Variants in LDLRAD4 observed in about 807,000 individuals in gnomAD.
The protein encoded by LDLRAD4 is low density lipoprotein receptor class A domain containing 4.
LDLRAD4 carries 5 observed loss-of-function variants against 17.0 expected under a neutral mutation model. That is an observed-to-expected ratio of 0.29 (90% confidence interval 0.15 to 0.62). The LOEUF (loss-of-function observed/expected upper bound fraction) is 0.62, where lower values mean the gene tolerates loss of function less well. Ranked by LOEUF, LDLRAD4 falls within the 20% of genes least tolerant of loss-of-function variation. The pLI is 0.84. For synonymous variants in LDLRAD4, 168 were observed against 171.8 expected (o/e 0.98, Z 0.17); for missense variants, 340 against 424.7 (o/e 0.80, Z 1.75).
intron 1 of LDLRAD4, among the ~76,000 whole-genome samples, chr18:13,373,625 G>A (rs531444174): frequency 1.3e-5 from 2 of 152,332 alleles, no homozygotes; most frequent in African/African-American, 4.8e-5. Flanking sequence ...TTTTGAAGGA[G>A]ACAGTGTATT....
chr18:13,536,525 A>G (rs775598493), intron 3 of LDLRAD4, among the ~76,000 whole-genome samples: 1 of 151,974 alleles, frequency 6.6e-6, no homozygotes, highest in Admixed American at 6.6e-5. Flanking sequence ...TGTATTCTCT[A>G]GACTTTTCTT....
chr18:13,640,889 A>G (rs1004940725), intron 4 of LDLRAD4, among the ~76,000 whole-genome samples: 3 of 152,226 alleles, frequency 2.0e-5, no homozygotes, highest in African/African-American at 4.8e-5. Context: ...TTAGTTACTT[A>G]TTTAACAAAT....
chr18:13,478,879 C>T (rs2093013496), intron 3 of LDLRAD4, among the ~76,000 whole-genome samples: 1 of 152,182 alleles, frequency 6.6e-6, no homozygotes, highest in African/African-American at 2.4e-5. Flanking sequence ...TAAAGACTTA[C>T]CATAAAGCTA....
Position 13,645,982 on chromosome 18 carries a change from A to C in LDLRAD4, c.*325A>C. 4.5e-6 allele frequency: 1 copy of C among 223,384 alleles called. No homozygotes were observed. Among genetic ancestry groups the C allele is most frequent in the Non-Finnish European group, 8.7e-6 (1 of 115,260 alleles). The allele number at this position is 223,384 out of a possible 1,614,324, so 13.8% of individuals were successfully genotyped here. ...CCCACAGAGGTATTTGATGTATTTA[A>C]TTGTGAAAGGAGACTTTGCAGATAA... On this transcript the variant is annotated 3_prime_UTR_variant, in exon 6 of 6. Coordinates refer to ENST00000359446, the Ensembl canonical transcript of LDLRAD4. The surrounding 1 kb of genome is among the most constrained non-coding windows in gnomAD (Gnocchi z 5.7).
At chr18:13,298,767 GC>G (rs762857176) in intron 1 of LDLRAD4, among the ~76,000 whole-genome samples, 1 of 152,236 alleles carries the variant, frequency 6.6e-6, no homozygotes, top group Non-Finnish European at 1.5e-5. Context: ...GTGCTGCGGG[GC>G]CACTGGCCTG....
chr18:13,528,954 G>A (rs969997624), intron 3 of LDLRAD4, among the ~76,000 whole-genome samples: 14 of 152,242 alleles, frequency 9.2e-5, no homozygotes, highest in African/African-American at 3.1e-4. Context: ...CACGCTTTGG[G>A]TAGCGAGAGC....
At chr18:13,504,163 C>T (rs916934278) in intron 3 of LDLRAD4, among the ~76,000 whole-genome samples, 4 of 152,150 alleles carry the variant, frequency 2.6e-5, no homozygotes, top group African/African-American at 9.7e-5. Flanking sequence ...AGAGTCCGTT[C>T]GCTGACCCCC....
intron 3 of LDLRAD4, among the ~76,000 whole-genome samples, chr18:13,455,988 G>T (rs937752146): frequency 6.6e-6 from 1 of 152,120 alleles, no homozygotes; most frequent in Non-Finnish European, 1.5e-5. Context: ...TGGCAGGAGC[G>T]CCCGCCATGT....
chr18:13,370,178 G>T (rs2084353011), intron 1 of LDLRAD4, among the ~76,000 whole-genome samples: 1 of 152,232 alleles, frequency 6.6e-6, no homozygotes, highest in South Asian at 2.1e-4. Context: ...CAAAATACAT[G>T]CGCCAGCACA....
At chr18:13,528,386 C>G (rs1221707659) in intron 3 of LDLRAD4, among the ~76,000 whole-genome samples, 1 of 152,216 alleles carries the variant, frequency 6.6e-6, no homozygotes, top group East Asian at 1.9e-4. Flanking sequence ...CATCTTGGCT[C>G]ACTGCAACCT....
chr18:13,405,460 T>C (rs1240474521), intron 2 of LDLRAD4, among the ~76,000 whole-genome samples: 3 of 152,156 alleles, frequency 2.0e-5, no homozygotes, highest in Non-Finnish European at 4.4e-5. Flanking sequence ...TCTCACTCTG[T>C]CATCCATTTT....
At chr18:13,388,500 T>C (rs1471593214) in intron 2 of LDLRAD4, among the ~76,000 whole-genome samples, 2 of 151,612 alleles carry the variant, frequency 1.3e-5, no homozygotes, top group African/African-American at 2.4e-5. Flanking sequence ...ATAAAAGAGG[T>C]TTTGTGGAGG....
intron 3 of LDLRAD4, among the ~76,000 whole-genome samples, chr18:13,609,810 TA>T (rs1433422168): frequency 6.6e-6 from 1 of 151,972 alleles, no homozygotes; most frequent in Non-Finnish European, 1.5e-5. Flanking sequence ...CCATCTCTAC[TA>T]AAAATACAAA....
At chr18:13,262,210 G>A (rs1242082956) in intron 1 of LDLRAD4, among the ~76,000 whole-genome samples, 4 of 142,968 alleles carry the variant, frequency 2.8e-5, no homozygotes, top group Admixed American at 7.1e-5. Context: ...AGTCCCGTGT[G>A]GCTCTGTGTG....
Position 13,398,378 on chromosome 18 carries a change from C to T in LDLRAD4, c.40+10616C>T, listed in dbSNP as rs1206310820. On this transcript the variant is annotated intron_variant, in intron 2 of 5. Coordinates refer to ENST00000359446, the Ensembl canonical transcript of LDLRAD4. The surrounding 1 kb of genome is among the most constrained non-coding windows in gnomAD (Gnocchi z 4.8). Reference sequence around the variant, plus strand: ...ATGCTTGCGTAGCAGTGTGAGAGTGCAAACCTGAAAATGGGAAAAAATGGG... The same window carrying T: ...ATGCTTGCGTAGCAGTGTGAGAGTGTAAACCTGAAAATGGGAAAAAATGGG... 1.3e-5 allele frequency among the ~76,000 whole-genome samples: 2 copies of T among 149,320 alleles called. No homozygotes were observed. Among genetic ancestry groups the T allele is most frequent in the African/African-American group, 5.0e-5 (2 of 40,232 alleles).
chr18:13,375,975 C>G (rs925311030), intron 1 of LDLRAD4, among the ~76,000 whole-genome samples: 5 of 152,186 alleles, frequency 3.3e-5, no homozygotes, highest in African/African-American at 1.2e-4. Flanking sequence ...ATTTGGGGAG[C>G]AGTGGCCCAG....
chr18:13,419,190 A>G (rs1248439721), intron 2 of LDLRAD4, among the ~76,000 whole-genome samples: 1 of 152,232 alleles, frequency 6.6e-6, no homozygotes, highest in Non-Finnish European at 1.5e-5. Flanking sequence ...TTGGGGATCC[A>G]CATAGGTTTT....
chr18:13,265,804 C>G (rs2044183069), intron 1 of LDLRAD4, among the ~76,000 whole-genome samples: 2 of 152,118 alleles, frequency 1.3e-5, no homozygotes, highest in Non-Finnish European at 2.9e-5. Context: ...TTGGGGTGGC[C>G]CTGGGACTCC....
intron 4 of LDLRAD4, among the ~76,000 whole-genome samples, chr18:13,631,315 G>T (rs2041644025): frequency 1.3e-5 from 2 of 152,186 alleles, no homozygotes; most frequent in African/African-American, 4.8e-5. Context: ...GAATCATGAA[G>T]AAATAGAAAA....
Sources: gnomAD v4.1 joint callset for allele counts (sites outside exome capture counted in the v4.1 genomes callset) on GRCh38, gnomAD v4.1.1 for gene constraint, Gnocchi (gnomAD v3.1) non-coding constraint, MANE v1.5 for transcripts, NCBI Gene and HGNC (gene_info 2026-07-23, HGNC 2026-07-21) for gene names.